Variants in UNC13C observed in about 807,000 individuals in gnomAD.
UNC13C encodes the protein protein unc-13 homolog C.
Under a neutral mutation model 245.4 loss-of-function variants are expected in UNC13C, and 174 were observed. The ratio of observed to expected loss-of-function variants is 0.71; its 90% CI spans 0.63 to 0.80. The LOEUF is 0.80. UNC13C is among the 30% of genes least tolerant of loss of function. The probability of loss-of-function intolerance (pLI) is 0.00; values close to 1 mark genes in which losing one functional copy is unlikely to be tolerated. For synonymous variants in UNC13C, 992 were observed against 895.1 expected, an observed-to-expected ratio of 1.11 and a Z score of -1.93; for missense variants, 2,829 against 2,602.9, an observed-to-expected ratio of 1.09 and a Z score of -1.89.
intron 2 of UNC13C, among the ~76,000 whole-genome samples, chr15:54,138,392 A>G (rs2031840465): frequency 6.6e-6 from 1 of 151,050 alleles, no homozygotes; most frequent in Non-Finnish European, 1.5e-5. Context: ...TAATAACATT[A>G]TGGGGATGTT....
the UNC13C span, among the ~76,000 whole-genome samples, chr15:53,848,307 G>T: frequency 6.6e-6 from 1 of 151,892 alleles, no homozygotes; most frequent in African/African-American, 2.4e-5. Flanking sequence ...TTCGTCTATA[G>T]CTTCGCCCTC....
chr15:54,277,455 A>G (rs1309974709), intron 10 of UNC13C, among the ~76,000 whole-genome samples: 1 of 152,308 alleles, frequency 6.6e-6, no homozygotes, highest in South Asian at 2.1e-4. Context: ...AAAGAACAAG[A>G]TGGAAACCTA....
In UNC13C at chr15:54,546,950, A is replaced by C. The variant is rs572719503; in HGVS notation, c.5820+105A>C. 6.6e-6 allele frequency: 7 copies of C among 1,063,598 alleles called. No individual in the cohort carries two copies. The South Asian group carries it at 1.2e-4, about 18-fold the overall frequency. 65.9% of individuals were successfully genotyped at this position (1,063,598 alleles called of 1,614,324 possible). A position where few individuals can be genotyped will look rare whatever the true frequency, so the allele number is the denominator to read the frequency against. On this transcript the variant is annotated intron_variant, in intron 27 of 32. Transcript: ENST00000260323. ...TACTAATTAAATCCCTTTGGGGAAA[A>C]AGTGTTTGGTATCCAGTTTCTTAAC...
chr15:54,614,223 G>C (rs1900281840), intron 30 of UNC13C, among the ~76,000 whole-genome samples: 1 of 151,814 alleles, frequency 6.6e-6, no homozygotes, highest in African/African-American at 2.4e-5. Flanking sequence ...ATTATTGCTA[G>C]TGTCTTATTC....
At chr15:54,332,242 A>G (rs1321599385) in intron 15 of UNC13C, 131 bp downstream of exon 15, 4 of 629,584 alleles carry the variant, frequency 6.4e-6, no homozygotes, top group Non-Finnish European at 1.1e-5. Context: ...TACCCTTAGA[A>G]ATAATCCAGC....
chr15:54,170,562 T>G (rs2033359141), intron 4 of UNC13C, among the ~76,000 whole-genome samples: 1 of 152,116 alleles, frequency 6.6e-6, no homozygotes, highest in Non-Finnish European at 1.5e-5. Flanking sequence ...TTTTTTTATT[T>G]CCTTTTTTTT....
chr15:54,237,612 G>A lies in UNC13C; in HGVS notation c.3157-7G>A. ...GTATTAATAAGTCATAATTCTGTTTGTTTTAGACCCTGGCTGCCCGGAAAT... is the reference window on the plus strand; with the variant it reads ...GTATTAATAAGTCATAATTCTGTTTATTTTAGACCCTGGCTGCCCGGAAAT... On this transcript the variant is annotated splice_polypyrimidine_tract_variant and splice_region_variant and intron_variant, in intron 6 of 32. Coordinates refer to ENST00000260323, the MANE Select transcript of UNC13C (RefSeq NM_001080534.3). 1.2e-6 allele frequency: 2 copies of A among 1,609,498 alleles called. No individual in the cohort carries two copies. The highest frequency in any genetic ancestry group is 1.1e-5 in the South Asian group (1 of 89,606).
At chr15:54,204,906 C>T (rs2140731078) in intron 4 of UNC13C, among the ~76,000 whole-genome samples, 1 of 152,104 alleles carries the variant, frequency 6.6e-6, no homozygotes, top group East Asian at 1.9e-4. Flanking sequence ...ATGTGACCTA[C>T]ATCATTACAT....
At chr15:54,111,005 C>G (rs776065365) in intron 2 of UNC13C, among the ~76,000 whole-genome samples, 3 of 152,248 alleles carry the variant, frequency 2.0e-5, no homozygotes, top group African/African-American at 4.8e-5. Context: ...CAGTCGATTA[C>G]TCTTATTCTT....
intron 17 of UNC13C, among the ~76,000 whole-genome samples, chr15:54,389,551 A>T (rs1342332026): frequency 6.6e-6 from 1 of 152,080 alleles, no homozygotes; most frequent in East Asian, 1.9e-4. Flanking sequence ...TTTAAGCAAA[A>T]ATTTTGAAGT....
chr15:54,291,910 T>C (rs2037308506), intron 10 of UNC13C, among the ~76,000 whole-genome samples: 1 of 152,024 alleles, frequency 6.6e-6, no homozygotes, highest in African/African-American at 2.4e-5. Flanking sequence ...TTCTAATATG[T>C]ATTTTAACGT....
chr15:53,998,785 C>T (rs1405832064), intron 1 of UNC13C, among the ~76,000 whole-genome samples: 2 of 151,960 alleles, frequency 1.3e-5, no homozygotes, highest in Non-Finnish European at 2.9e-5. Flanking sequence ...TTCTATTTTG[C>T]TAAGAAATGT....
Position 54,038,140 on chromosome 15 carries a change from T to TTTTTTTTTTTTTC in UNC13C, c.2983+22254_2983+22255insTTTTTTTTTTTTC, listed in dbSNP as rs1555406257. Among the ~76,000 whole-genome samples the TTTTTTTTTTTTTC allele has an allele frequency of 3.1e-5, 4 of 127,576 alleles. 1 individual carries two copies. The highest frequency in any genetic ancestry group is 1.3e-4 in the African/African-American group (4 of 31,110). The allele number at this position is 127,576 out of a possible 152,430, so 83.7% of individuals were successfully genotyped here. A position where few individuals can be genotyped will look rare whatever the true frequency, so the allele number is the denominator to read the frequency against. On this transcript the variant is annotated intron_variant, in intron 2 of 32. Transcript: ENST00000260323. Reference sequence around the variant, plus strand: ...TATATATATATTTTTTTTTTTTTTTTCCTGAGACAGAGTCTGTGTTGCACA... The same window carrying TTTTTTTTTTTTTC: ...TATATATATATTTTTTTTTTTTTTTTTTTTTTTTTTTTCCCTGAGACAGAGTCTGTGTTGCACA...
At chr15:54,003,765 C>G (rs1466390006) in intron 1 of UNC13C, among the ~76,000 whole-genome samples, 1 of 152,176 alleles carries the variant, frequency 6.6e-6, no homozygotes, top group African/African-American at 2.4e-5. Context: ...GTAATCCCAG[C>G]ACTTTGGGAG....
chr15:54,519,185 C>T lies in UNC13C; in HGVS notation c.5458-6364C>T, dbSNP rs538230813. ...AATTTCTGTCATTATAAGGACAATC[C>T]GCATGTTAGCAATCCATGAAGTAGA... On this transcript the variant is annotated intron_variant, in intron 24 of 32. Transcript: ENST00000260323. Among the ~76,000 whole-genome samples the T allele has an allele frequency of 2.8e-4, 42 of 151,906 alleles. No homozygotes were observed. The South Asian group carries it at 7.1e-3, about 26-fold the overall frequency.
At chr15:54,203,800 GTA>G (rs1443987911) in intron 4 of UNC13C, among the ~76,000 whole-genome samples, 2 of 104,662 alleles carry the variant, frequency 1.9e-5, no homozygotes, top group African/African-American at 3.1e-5. Context: ...ATACACATGT[GTA>G]TATGTCTGTG....
At chr15:53,972,959 G>A in the UNC13C span, among the ~76,000 whole-genome samples, 2 of 151,942 alleles carry the variant, frequency 1.3e-5, no homozygotes, top group Non-Finnish European at 2.9e-5. Flanking sequence ...ATGTACATAA[G>A]ACATTTAGTG....
chr15:54,321,245 C>G (rs1020918693), intron 13 of UNC13C: 29 of 483,822 alleles, frequency 6.0e-5, no homozygotes, highest in Admixed American at 1.3e-4. Flanking sequence ...CAAGCAAGAC[C>G]CCTTTTCTTG....
At chr15:54,282,530 G>T (rs1015303627) in intron 10 of UNC13C, among the ~76,000 whole-genome samples, 1 of 152,102 alleles carries the variant, frequency 6.6e-6, no homozygotes, top group African/African-American at 2.4e-5. Context: ...AGGTGAGGGT[G>T]CCCACGACCC....
Sources: allele counts gnomAD v4.1 joint callset (sites outside exome capture counted in the v4.1 genomes callset), GRCh38; gene constraint gnomAD v4.1.1; transcripts MANE v1.5; gene names NCBI Gene and HGNC (gene_info 2026-07-23, HGNC 2026-07-21).